The following SIK3 variants were observed in gnomAD, a reference collection of about 807,000 sequenced individuals.
SIK3 encodes the protein serine/threonine-protein kinase SIK3.
SIK3 carries 28 observed loss-of-function variants against 144.2 expected under a neutral mutation model. The observed-to-expected ratio is 0.19, with a 90% CI of 0.14 to 0.27. SIK3 has a LOEUF of 0.27. SIK3 is among the 10% of genes least tolerant of loss of function. The probability of loss-of-function intolerance (pLI) is 1.00; values close to 1 mark genes in which losing one functional copy is unlikely to be tolerated. For synonymous variants in SIK3, 686 were observed against 676.3 expected (o/e 1.01, Z -0.22); for missense variants, 1,319 against 1,776.0 (o/e 0.74, Z 4.62).
chr11:116,863,073 CAAA>C (rs144760564), intron 16 of SIK3, among the ~76,000 whole-genome samples: 6 of 115,446 alleles, frequency 5.2e-5, no homozygotes, highest in Admixed American at 8.9e-5. Flanking sequence ...GACTTGGTCT[CAAA>C]AAAAAAAAAA....
At chr11:116,862,148 C>A in intron 17 of SIK3, 54 bp downstream of exon 17, 3 of 1,612,976 alleles carry the variant, frequency 1.9e-6, no homozygotes, top group South Asian at 1.1e-5. Flanking sequence ...ACAGGCAAAT[C>A]AGCCTGAAAG....
chr11:117,011,236 C>T (rs758289229), intron 1 of SIK3, among the ~76,000 whole-genome samples: 10 of 151,874 alleles, frequency 6.6e-5, no homozygotes, highest in Non-Finnish European at 1.3e-4. Context: ...CCCCTGTAAA[C>T]AGAAGCTGCA....
Position 117,046,609 on chromosome 11 carries a change from T to G in SIK3, c.273+51534A>C, listed in dbSNP as rs999363189. On this transcript the variant is annotated intron_variant, in intron 1 of 24. Transcript: ENST00000445177. ...AACCTACTATATTGGTGAGGCAAAG[T>G]GGCTCACGCCCATAATCCCAGCACT... is the stretch of plus-strand genomic sequence containing the variant. Among the ~76,000 whole-genome samples the G allele has an allele frequency of 6.6e-5, 10 of 152,184 alleles. No individual in the cohort carries two copies. The East Asian group carries it at 1.7e-3, about 26-fold the overall frequency.
rs1941919634 is a variant in SIK3, at chr11:116,846,098, T to C, written c.*13+285A>G. On this transcript the variant is annotated intron_variant, in intron 24 of 24. Transcript: ENST00000445177. This position sits in a 1 kb window ranked among gnomAD's most constrained non-coding sequence, Gnocchi z 4.1. Reference sequence around the variant, plus strand: ...GAGCCGTAGCTCACTTCTGTCGCTATGAAGGCTAGAGCACCTGTAACACAC... The same window carrying C: ...GAGCCGTAGCTCACTTCTGTCGCTACGAAGGCTAGAGCACCTGTAACACAC... Among the ~76,000 whole-genome samples the C allele has an allele frequency of 6.6e-6, 1 of 152,244 alleles. No individual in the cohort carries two copies. The highest frequency in any genetic ancestry group is 6.5e-5 in the Admixed American group (1 of 15,288).
At chr11:116,888,157 A>G (rs948150395) in intron 6 of SIK3, among the ~76,000 whole-genome samples, 18 of 152,238 alleles carry the variant, frequency 1.2e-4, no homozygotes, top group African/African-American at 4.3e-4. Context: ...CTGGTCTTCC[A>G]AGTGATCATT....
Position 116,861,934 on chromosome 11 carries a change from A to G in SIK3, c.2230-8T>C, listed in dbSNP as rs748718315. 7 of 1,594,034 alleles carry G rather than the reference A, an allele frequency of 4.4e-6. No homozygotes were observed. Among genetic ancestry groups the G allele is most frequent in the East Asian group, 2.2e-5 (1 of 44,600 alleles). ...AGGAGGACAGATAGAGTCCTAAAAC[A>G]TATATGGGGAAAGGAAAAAAATTAT... On this transcript the variant is annotated splice_polypyrimidine_tract_variant and splice_region_variant and intron_variant, in intron 17 of 24. Coordinates refer to ENST00000445177, the MANE Select transcript of SIK3 (RefSeq NM_001366686.3).
chr11:117,028,591 G>A (rs1211191837), intron 1 of SIK3, among the ~76,000 whole-genome samples: 2 of 151,984 alleles, frequency 1.3e-5, no homozygotes, highest in Admixed American at 6.6e-5. Flanking sequence ...ATCTTAGGAT[G>A]TGAAAGAAAT....
chr11:116,940,874 A>G (rs940342226), intron 3 of SIK3, among the ~76,000 whole-genome samples: 1 of 152,172 alleles, frequency 6.6e-6, no homozygotes, highest in African/African-American at 2.4e-5. Flanking sequence ...ATAATAATAA[A>G]TGGGAAATTA....
chr11:116,887,641 T>C (rs983567580), intron 6 of SIK3, among the ~76,000 whole-genome samples: 2 of 151,394 alleles, frequency 1.3e-5, no homozygotes, highest in Admixed American at 6.6e-5. Context: ...GAGTCTGATA[T>C]AAGATTCCAT....
intron 1 of SIK3, among the ~76,000 whole-genome samples, chr11:116,969,094 T>G (rs929073706): frequency 2.0e-5 from 3 of 151,808 alleles, no homozygotes; most frequent in African/African-American, 7.3e-5. Flanking sequence ...ATTGAGACCA[T>G]CCTGGCTAAC....
intron 1 of SIK3, among the ~76,000 whole-genome samples, chr11:116,969,598 AAGT>A (rs1949697065): frequency 1.3e-5 from 2 of 151,830 alleles, no homozygotes; most frequent in African/African-American, 4.9e-5. Flanking sequence ...TTTTGAAACT[AAGT>A]AAAAAAAAAT....
chr11:117,043,247 T>C (rs982332144), intron 1 of SIK3, among the ~76,000 whole-genome samples: 2 of 152,030 alleles, frequency 1.3e-5, no homozygotes, highest in Non-Finnish European at 2.9e-5. Context: ...ATGACTGAAA[T>C]AAAAATAGAT....
chr11:116,912,190 A>G (rs1215720984), intron 4 of SIK3, among the ~76,000 whole-genome samples: 2 of 152,236 alleles, frequency 1.3e-5, no homozygotes, highest in African/African-American at 4.8e-5. Flanking sequence ...TTTGAACCAT[A>G]TGACTGTCTT....
At chr11:117,020,246 T>TATATATATATATATATACAC in intron 1 of SIK3, among the ~76,000 whole-genome samples, 5 of 127,230 alleles carry the variant, frequency 3.9e-5, no homozygotes, top group African/African-American at 1.7e-4. Flanking sequence ...CATATATATA[T>TATATATATATATATATACAC]ACACATACAT....
rs144401636 is a variant in SIK3 at position 116,983,508 on chromosome 11, C to T, written c.274-26444G>A. 1.4e-4 allele frequency among the ~76,000 whole-genome samples: 21 copies of T among 150,968 alleles called. No individual in the cohort carries two copies. In the East Asian group the frequency reaches 2.9e-3, roughly 21 times the overall value. On this transcript the variant is annotated intron_variant, in intron 1 of 24. Coordinates refer to ENST00000445177, the MANE Select transcript of SIK3 (RefSeq NM_001366686.3). Reference sequence around the variant, plus strand: ...TTGTGCCACTGCACTCCAGCCTGGGCGACACAGCAAGACTATCTCAAAAAA... The same window carrying T: ...TTGTGCCACTGCACTCCAGCCTGGGTGACACAGCAAGACTATCTCAAAAAA...
intron 1 of SIK3, among the ~76,000 whole-genome samples, chr11:117,031,102 T>C (rs550296178): frequency 7.4e-4 from 113 of 152,342 alleles, no homozygotes; most frequent in African/African-American, 1.9e-3. Flanking sequence ...GTCTGTAGTT[T>C]GCCTTTTCAG....
chr11:117,039,152 G>A (rs535009381), intron 1 of SIK3, among the ~76,000 whole-genome samples: 2 of 152,206 alleles, frequency 1.3e-5, no homozygotes, highest in Admixed American at 1.3e-4. Context: ...CACAAAGACA[G>A]AAAAAGTTGA....
intron 4 of SIK3, among the ~76,000 whole-genome samples, chr11:116,922,183 T>C (rs1947024097): frequency 6.6e-6 from 1 of 152,228 alleles, no homozygotes; most frequent in South Asian, 2.1e-4. Flanking sequence ...TGGACAGTTG[T>C]GATAGCTAGC....
At chr11:116,916,612 G>A (rs1003684331) in intron 4 of SIK3, among the ~76,000 whole-genome samples, 9 of 150,826 alleles carry the variant, frequency 6.0e-5, no homozygotes, top group South Asian at 2.1e-4. Flanking sequence ...CCGGGTTCAC[G>A]CCATTCTCCT....
Sources: allele counts gnomAD v4.1 joint callset (sites outside exome capture counted in the v4.1 genomes callset), GRCh38; gene constraint gnomAD v4.1.1; non-coding constraint Gnocchi (gnomAD v3.1); transcripts MANE v1.5; gene names NCBI Gene and HGNC (gene_info 2026-07-23, HGNC 2026-07-21).